DDB2: variants seen among roughly 807,000 people sequenced by gnomAD.
The protein encoded by DDB2 is damage specific DNA binding protein 2.
Under a neutral mutation model 50.5 loss-of-function variants are expected in DDB2, and 27 were observed. The observed-to-expected ratio is 0.53, with a 90% CI of 0.39 to 0.74. DDB2 has a LOEUF of 0.74. Among genes scored for constraint, DDB2 ranks in the 30% least tolerant of loss-of-function variants. DDB2 has a pLI of 0.00. For missense variants in DDB2, 424 were observed against 545.6 expected (o/e 0.78, Z 2.22); for synonymous variants, 176 against 205.5 (o/e 0.86, Z 1.23).
intron 4 of DDB2, among the ~76,000 whole-genome samples, chr11:47,233,758 C>T (rs1277447006): frequency 6.6e-6 from 1 of 151,756 alleles, no homozygotes; most frequent in Non-Finnish European, 1.5e-5. Context: ...TGATTTCCAG[C>T]TAGAGCCGTG....
At chr11:47,226,245 C>A (rs1953555405) in intron 3 of DDB2, among the ~76,000 whole-genome samples, 1 of 151,760 alleles carries the variant, frequency 6.6e-6, no homozygotes. Context: ...ACAAATGTCC[C>A]AACTTCTCTA....
Position 47,238,162 on chromosome 11 carries a change from G to T in DDB2, c.1213G>T (p.Asp405Tyr). The change falls in exon 9 of 10, where the codon GAC (aspartate) becomes TAC (tyrosine). Residue 405 changes from aspartate (D) to tyrosine (Y), a missense_variant. Asp to Tyr is a radical substitution (Grantham distance 160). Transcript: ENST00000256996. Reference protein sequence around the residue: ...SSLNEFNPMGDTLASAMGYHI... With the variant: ...SSLNEFNPMGYTLASAMGYHI... ...GCTTAATGAATTCAATCCCATGGGG[G>T]ACACGCTGGCCTCTGCAATGGGTGA... is the stretch of plus-strand genomic sequence containing the variant. 2 of 1,611,998 alleles carry T rather than the reference G, an allele frequency of 1.2e-6. No homozygotes were observed. Among genetic ancestry groups the T allele is most frequent in the East Asian group, 2.2e-5 (1 of 44,860 alleles).
Position 47,215,059 on chromosome 11 carries a change from G to A in DDB2, c.-78G>A. 1.2e-6 allele frequency: 2 copies of A among 1,609,362 alleles called. No individual in the cohort carries two copies. The highest frequency in any genetic ancestry group is 2.2e-5 in the South Asian group (2 of 90,874). ...CCCGCAGTTTTGTAGTCCCCGCCTT[G>A]TTTCTCCCCAGAGGCCTCTCAATCC... On this transcript the variant is annotated 5_prime_UTR_variant, in exon 1 of 10. Transcript: ENST00000256996.
chr11:47,229,438 G>C (rs1953611286), intron 3 of DDB2, among the ~76,000 whole-genome samples: 1 of 152,154 alleles, frequency 6.6e-6, no homozygotes, highest in Non-Finnish European at 1.5e-5. Context: ...AGGGAGTGGA[G>C]AGAGGGAAGA....
chr11:47,232,734 G>T, intron 3 of DDB2, 80 bp from the exon 4 acceptor site: 4 of 1,529,874 alleles, frequency 2.6e-6, no homozygotes, highest in Admixed American at 3.3e-5. Context: ...CTTCTGTGAC[G>T]GCGCAGCATG....
intron 3 of DDB2, 197 bp downstream of exon 3, chr11:47,217,246 G>A: frequency 2.0e-6 from 1 of 493,208 alleles, no homozygotes; most frequent in South Asian, 1.9e-5. Context: ...TGTGGTGGCA[G>A]GCGCCTATAA....
intron 7 of DDB2, 123 bp downstream of exon 7, chr11:47,235,535 G>C (rs1249483402): frequency 9.9e-7 from 1 of 1,012,478 alleles, no homozygotes; most frequent in Non-Finnish European, 1.5e-6. Context: ...CCTGGCCCGA[G>C]CACAGAGCAT....
chr11:47,238,126 T>C lies in DDB2; in HGVS notation c.1189-12T>C. 1.2e-6 allele frequency: 2 copies of C among 1,612,540 alleles called. No homozygotes were observed. Among genetic ancestry groups the C allele is most frequent in the South Asian group, 1.1e-5 (1 of 90,744 alleles). ...TCACCCTCTCCTCATGTTGACACTC[T>C]TGTCTCTGCAGCTTAATGAATTCAA... On this transcript the variant is annotated splice_polypyrimidine_tract_variant and intron_variant, in intron 8 of 9. Transcript: ENST00000256996.
chr11:47,215,807 C>T (rs767415233), intron 1 of DDB2: 52 of 262,400 alleles, frequency 2.0e-4, no homozygotes, highest in Non-Finnish European at 3.5e-4. Flanking sequence ...GTGATTGGGT[C>T]CTCAAATACA....
Position 47,219,612 on chromosome 11 carries a change from A to G in DDB2, c.456+2563A>G, listed in dbSNP as rs148869406. On this transcript the variant is annotated intron_variant, in intron 3 of 9. Coordinates refer to ENST00000256996, the MANE Select transcript of DDB2 (RefSeq NM_000107.3). Reference sequence around the variant, plus strand: ...CAATCCTTCTGTCTTGTCTTCCCAAATTGCTCGGGATTACAGGGCTGAGCC... The same window carrying G: ...CAATCCTTCTGTCTTGTCTTCCCAAGTTGCTCGGGATTACAGGGCTGAGCC... 1.9e-3 allele frequency among the ~76,000 whole-genome samples: 292 copies of G among 152,122 alleles called. 2 individuals carry two copies. The highest frequency in any genetic ancestry group is 6.6e-3 in the African/African-American group (273 of 41,486).
chr11:47,223,547 G>A (rs1478232530), intron 3 of DDB2, among the ~76,000 whole-genome samples: 4 of 151,978 alleles, frequency 2.6e-5, no homozygotes, highest in Non-Finnish European at 5.9e-5. Flanking sequence ...TTGGGAGGCC[G>A]AGGCAGGCGG....
At chr11:47,230,408 C>T (rs995327730) in intron 3 of DDB2, among the ~76,000 whole-genome samples, 10 of 152,190 alleles carry the variant, frequency 6.6e-5, no homozygotes, top group African/African-American at 1.9e-4. Flanking sequence ...GCTTTCAACA[C>T]GGCTTTTATA....
chr11:47,225,096 C>T (rs1180562630), intron 3 of DDB2, among the ~76,000 whole-genome samples: 6 of 151,688 alleles, frequency 4.0e-5, no homozygotes, highest in Non-Finnish European at 7.4e-5. Context: ...TGCACCACCA[C>T]GCCCAGCTAA....
chr11:47,222,686 C>A (rs973483402), intron 3 of DDB2, among the ~76,000 whole-genome samples: 1 of 152,166 alleles, frequency 6.6e-6, no homozygotes, highest in Non-Finnish European at 1.5e-5. Context: ...TTTACCTGTT[C>A]AAGGACATTT....
chr11:47,230,176 T>A (rs1331672049), intron 3 of DDB2, among the ~76,000 whole-genome samples: 1 of 150,110 alleles, frequency 6.7e-6, no homozygotes, highest in East Asian at 2.0e-4. Context: ...ACCTATAGCC[T>A]ATAGCACCAG....
chr11:47,228,175 C>G (rs1243238994), intron 3 of DDB2, among the ~76,000 whole-genome samples: 1 of 145,452 alleles, frequency 6.9e-6, no homozygotes, highest in Non-Finnish European at 1.5e-5. Context: ...ATGCTGATTT[C>G]TGTGAATTGC....
chr11:47,216,145 G>A, intron 1 of DDB2, 191 bp from the exon 2 acceptor site: 1 of 836,022 alleles, frequency 1.2e-6, no homozygotes, highest in South Asian at 1.4e-5. Flanking sequence ...AGTGTTTTGG[G>A]GAAGGGGCCA....
At chr11:47,231,529 T>A (rs1378971195) in intron 3 of DDB2, among the ~76,000 whole-genome samples, 1 of 152,154 alleles carries the variant, frequency 6.6e-6, no homozygotes, top group South Asian at 2.1e-4. Flanking sequence ...AATTTTATTT[T>A]ATTTTATTTT....
intron 3 of DDB2, among the ~76,000 whole-genome samples, chr11:47,218,498 T>C (rs1228619852): frequency 6.6e-6 from 1 of 152,150 alleles, no homozygotes; most frequent in Admixed American, 6.5e-5. Flanking sequence ...GGAGCAGTAT[T>C]AGATAAATGG....
Sources: allele counts gnomAD v4.1 joint callset (sites outside exome capture counted in the v4.1 genomes callset), GRCh38; gene constraint gnomAD v4.1.1; transcripts MANE v1.5; gene names NCBI Gene and HGNC (gene_info 2026-07-23, HGNC 2026-07-21).